Variants in NEK1 observed in about 807,000 individuals in gnomAD.
NEK1 encodes the protein NIMA related kinase 1, also known as serine/threonine-protein kinase Nek1.
NEK1 carries 137 observed loss-of-function variants against 182.1 expected under a neutral mutation model. The observed-to-expected ratio is 0.75, with a 90% CI of 0.65 to 0.87. The LOEUF (loss-of-function observed/expected upper bound fraction) is 0.87, where lower values mean the gene tolerates loss of function less well. NEK1 is among the 40% of genes least tolerant of loss of function. NEK1 has a pLI of 0.00. For synonymous variants in NEK1, 513 were observed against 492.2 expected (o/e 1.04, Z -0.56); for missense variants, 1,391 against 1,494.4 (o/e 0.93, Z 1.14).
chr4:169,468,635 A>C (rs1253560540), intron 26 of NEK1, among the ~76,000 whole-genome samples: 2 of 152,186 alleles, frequency 1.3e-5, no homozygotes, highest in African/African-American at 2.4e-5. Context: ...GGTCTCATAA[A>C]ATTAGTTAGG....
intron 27 of NEK1, among the ~76,000 whole-genome samples, chr4:169,462,853 C>T (rs1392091611): frequency 6.6e-6 from 1 of 152,152 alleles, no homozygotes; most frequent in Admixed American, 6.6e-5. Flanking sequence ...TCTCCTTCCC[C>T]AGTCCTAGAA....
At chr4:169,459,046 A>G (rs1016536799) in intron 27 of NEK1, among the ~76,000 whole-genome samples, 1 of 140,058 alleles carries the variant, frequency 7.1e-6, no homozygotes, top group African/African-American at 2.6e-5. Flanking sequence ...CCAAAATCTG[A>G]AAAAAAAAAC....
intron 18 of NEK1, among the ~76,000 whole-genome samples, chr4:169,545,187 A>C (rs1450821702): frequency 1.4e-5 from 2 of 140,078 alleles, no homozygotes; most frequent in South Asian, 2.5e-4. Flanking sequence ...ATATCTCCCA[A>C]TGCTATCCCT....
chr4:169,445,896 T>C (rs1353297375), intron 27 of NEK1, among the ~76,000 whole-genome samples: 1 of 140,304 alleles, frequency 7.1e-6, no homozygotes, highest in Admixed American at 6.9e-5. Flanking sequence ...ATGCACAAAA[T>C]GGACCATTAT....
In NEK1 at chr4:169,394,383, A is replaced by C. The variant is rs1361543656; in HGVS notation, c.*127T>G. Reference sequence around the variant, plus strand: ...TGTTTCTCCATCTTTTTCATGCAATAAGAAAGTCCATCTTAAATCTGATTT... The same window carrying C: ...TGTTTCTCCATCTTTTTCATGCAATCAGAAAGTCCATCTTAAATCTGATTT... On this transcript the variant is annotated 3_prime_UTR_variant, in exon 36 of 36. Coordinates refer to ENST00000507142, the MANE Select transcript of NEK1 (RefSeq NM_001199397.3). 1 of 604,578 alleles carries C rather than the reference A, an allele frequency of 1.7e-6. No individual in the cohort carries two copies. Among genetic ancestry groups the C allele is most frequent in the Non-Finnish European group, 2.9e-6 (1 of 342,806 alleles). 37.5% of individuals were successfully genotyped at this position (604,578 alleles called of 1,614,324 possible).
chr4:169,438,161 A>G lies in NEK1; in HGVS notation c.2686T>C (p.Ser896Pro), dbSNP rs1323518473. ...HEINPSAIVD[S>P]PVETKSPEFS... Reference sequence around the variant, plus strand: ...TCGGGACTTTTTGTCTCAACAGGAGAATCAACAATAGCTGATGGGTTTATT... The same window carrying G: ...TCGGGACTTTTTGTCTCAACAGGAGGATCAACAATAGCTGATGGGTTTATT... Residue 896 changes from serine to proline, a missense_variant, in exon 28 of 36, where the codon TCT becomes CCT. Ser to Pro is a moderately conservative substitution (Grantham distance 74). This residue lies in a region of NEK1 where 1,216 missense variants were observed against 1,277.6 expected (regional missense o/e 0.95). Transcript: ENST00000507142. 1 of 1,609,194 alleles carries G rather than the reference A, an allele frequency of 6.2e-7. No homozygotes were observed. The highest frequency in any genetic ancestry group is 1.1e-5 in the South Asian group (1 of 89,962).
At chr4:169,525,399 G>A (rs1409121873) in intron 19 of NEK1, among the ~76,000 whole-genome samples, 2 of 151,974 alleles carry the variant, frequency 1.3e-5, no homozygotes, top group Non-Finnish European at 2.9e-5. Flanking sequence ...CAAAGTGCTG[G>A]GATTACAGGC....
chr4:169,608,684 G>T (rs985174448), intron 2 of NEK1, among the ~76,000 whole-genome samples: 9 of 152,108 alleles, frequency 5.9e-5, no homozygotes, highest in Non-Finnish European at 1.3e-4. Flanking sequence ...GTGGACAAAG[G>T]ATATGAAGTT....
chr4:169,570,081 A>G (rs1278615488), intron 12 of NEK1, among the ~76,000 whole-genome samples: 1 of 145,708 alleles, frequency 6.9e-6, no homozygotes, highest in African/African-American at 2.6e-5. Context: ...CCATCTAGGA[A>G]GTGAGGAGCG....
At chr4:169,414,026 AG>A (rs537566722) in intron 31 of NEK1, among the ~76,000 whole-genome samples, 22 of 152,332 alleles carry the variant, frequency 1.4e-4, no homozygotes, top group African/African-American at 4.1e-4. Context: ...GAACAAAAAC[AG>A]TATTTGTCAC....
intron 18 of NEK1, among the ~76,000 whole-genome samples, chr4:169,553,621 A>C (rs1477457796): frequency 6.6e-6 from 1 of 152,234 alleles, no homozygotes; most frequent in Non-Finnish European, 1.5e-5. Context: ...CTGATAAAGG[A>C]CTGTTAAATA....
chr4:169,562,271 TTTAAG>T, intron 12 of NEK1, 75 bp from the exon 13 acceptor site: 1 of 1,023,242 alleles, frequency 9.8e-7, no homozygotes, highest in Non-Finnish European at 1.4e-6. Context: ...TTTACAGAAA[TTTAAG>T]ATAAGAAAAA....
At chr4:169,582,608 A>C (rs948493876) in intron 10 of NEK1, among the ~76,000 whole-genome samples, 2 of 152,118 alleles carry the variant, frequency 1.3e-5, no homozygotes, top group African/African-American at 4.8e-5. Flanking sequence ...CTTGTCCCCA[A>C]ATCTAATCAT....
At chr4:169,548,669 A>G (rs1211406219) in intron 18 of NEK1, among the ~76,000 whole-genome samples, 2 of 152,134 alleles carry the variant, frequency 1.3e-5, no homozygotes, top group East Asian at 1.9e-4. Flanking sequence ...CCCTGCCCAG[A>G]GGGGAGGGAA....
intron 23 of NEK1, among the ~76,000 whole-genome samples, chr4:169,504,401 A>C (rs1007042686): frequency 2.0e-5 from 3 of 152,216 alleles, no homozygotes; most frequent in African/African-American, 7.2e-5. Context: ...AAAAGAAAGG[A>C]AATCAGTATA....
chr4:169,512,306 G>T (rs1329878151), intron 19 of NEK1, among the ~76,000 whole-genome samples: 8 of 151,892 alleles, frequency 5.3e-5, no homozygotes, highest in Admixed American at 5.2e-4. Context: ...TTTTATTATA[G>T]CCATTTTGAT....
intron 18 of NEK1, among the ~76,000 whole-genome samples, chr4:169,549,929 G>A (rs1236950917): frequency 6.6e-6 from 1 of 151,980 alleles, no homozygotes; most frequent in Non-Finnish European, 1.5e-5. Flanking sequence ...CACCATGTTG[G>A]CAGGCTGGTC....
chr4:169,576,906 A>C, intron 12 of NEK1, 22 bp downstream of exon 12: 1 of 1,569,658 alleles, frequency 6.4e-7, no homozygotes, highest in African/African-American at 1.3e-5. Flanking sequence ...TTATTAACAC[A>C]TGGTATGTAA....
At chr4:169,553,742 A>G (rs1002862472) in intron 18 of NEK1, among the ~76,000 whole-genome samples, 6 of 152,252 alleles carry the variant, frequency 3.9e-5, no homozygotes, top group African/African-American at 1.4e-4. Flanking sequence ...CATGAAGCAT[A>G]TGAAAAAATG....
Sources: gnomAD v4.1 joint callset for allele counts (sites outside exome capture counted in the v4.1 genomes callset) on GRCh38, gnomAD v4.1.1 for gene constraint, gnomAD v4.1.1 regional missense constraint, MANE v1.5 for transcripts, NCBI Gene and HGNC (gene_info 2026-07-23, HGNC 2026-07-21) for gene names.